The following VPS35L variants were observed in gnomAD, a reference collection of about 807,000 sequenced individuals.
VPS35L encodes VPS35 endosomal protein-sorting factor-like.
Under a neutral mutation model 133.0 loss-of-function variants are expected in VPS35L, and 83 were observed. The ratio of observed to expected loss-of-function variants is 0.62; its 90% CI spans 0.52 to 0.75. VPS35L has a LOEUF of 0.75. VPS35L is among the 30% of genes least tolerant of loss of function. VPS35L has a pLI of 0.00. For synonymous variants in VPS35L, 423 were observed against 449.9 expected (o/e 0.94, Z 0.76); for missense variants, 1,083 against 1,206.8 (o/e 0.90, Z 1.52).
At chr16:19,583,715 G>T (rs1368559000) in intron 7 of VPS35L, among the ~76,000 whole-genome samples, 1 of 148,228 alleles carries the variant, frequency 6.7e-6, no homozygotes, top group East Asian at 2.0e-4. Context: ...GAGTGAGATT[G>T]TCTCAAAAAA....
intron 11 of VPS35L, among the ~76,000 whole-genome samples, chr16:19,609,426 G>A (rs1972638488): frequency 6.6e-6 from 1 of 152,150 alleles, no homozygotes; most frequent in African/African-American, 2.4e-5. Flanking sequence ...AACAATGAGA[G>A]TCACCCCTGG....
At chr16:19,628,035 A>G (rs1311662182) in intron 16 of VPS35L, among the ~76,000 whole-genome samples, 3 of 152,140 alleles carry the variant, frequency 2.0e-5, no homozygotes, top group Admixed American at 6.6e-5. Context: ...TTGGCTCACT[A>G]TGAAGGATTT....
At chr16:19,683,207 G>A (rs1418304473) in intron 28 of VPS35L, among the ~76,000 whole-genome samples, 1 of 152,114 alleles carries the variant, frequency 6.6e-6, no homozygotes, top group Non-Finnish European at 1.5e-5. Flanking sequence ...ATAACCATGA[G>A]CCACCACACC....
chr16:19,616,966 G>C (rs1414036169), intron 14 of VPS35L, 158 bp downstream of exon 14: 1 of 1,054,904 alleles, frequency 9.5e-7, no homozygotes. Context: ...GGCTGGCTCT[G>C]TGCTGAGTGC....
intron 3 of VPS35L, among the ~76,000 whole-genome samples, chr16:19,570,876 TATATATA>T (rs1971355422): frequency 2.6e-5 from 2 of 77,552 alleles, no homozygotes; most frequent in African/African-American, 1.5e-4. Context: ...TATATATATA[TATATATA>T]TATATATTTT....
intron 3 of VPS35L, among the ~76,000 whole-genome samples, chr16:19,570,705 T>A (rs1226180419): frequency 6.6e-6 from 1 of 151,330 alleles, no homozygotes; most frequent in African/African-American, 2.4e-5. Context: ...TTGTGAGAGG[T>A]ATTGGAATCC....
At chr16:19,628,401 A>T (rs1195600468) in intron 16 of VPS35L, among the ~76,000 whole-genome samples, 1 of 152,168 alleles carries the variant, frequency 6.6e-6, no homozygotes, top group African/African-American at 2.4e-5. Flanking sequence ...TTTATGAAAA[A>T]CTTTGTCCAG....
At chr16:19,644,309 T>C (rs1430882982) in intron 22 of VPS35L, among the ~76,000 whole-genome samples, 1 of 152,220 alleles carries the variant, frequency 6.6e-6, no homozygotes, top group African/African-American at 2.4e-5. Context: ...TGGATAATTA[T>C]GTGTAAAACA....
intron 12 of VPS35L, among the ~76,000 whole-genome samples, chr16:19,614,654 GC>G (rs1379675918): frequency 6.6e-6 from 1 of 152,170 alleles, no homozygotes; most frequent in Non-Finnish European, 1.5e-5. Context: ...CAAGTGATTG[GC>G]CCACCTGGGC....
intron 26 of VPS35L, among the ~76,000 whole-genome samples, chr16:19,657,927 A>G (rs1310182815): frequency 6.6e-6 from 1 of 152,190 alleles, no homozygotes; most frequent in South Asian, 2.1e-4. Context: ...GAATGCAGAC[A>G]AAGTAGGTTA....
chr16:19,655,827 C>T (rs528353893), intron 26 of VPS35L, among the ~76,000 whole-genome samples: 2 of 152,264 alleles, frequency 1.3e-5, no homozygotes, highest in African/African-American at 2.4e-5. Flanking sequence ...TCTTTCAGTC[C>T]CTTCTCTAGG....
At chr16:19,575,174 G>A (rs773799991) in intron 5 of VPS35L, 52 bp downstream of exon 5, 3 of 1,553,076 alleles carry the variant, frequency 1.9e-6, no homozygotes, top group Non-Finnish European at 1.8e-6. Context: ...ATTACTTTTA[G>A]TATAATTTTA....
intron 27 of VPS35L, among the ~76,000 whole-genome samples, chr16:19,678,443 C>T (rs1236379303): frequency 6.6e-6 from 1 of 151,686 alleles, no homozygotes; most frequent in Non-Finnish European, 1.5e-5. Flanking sequence ...AAATCTTTGT[C>T]TGCCTTACTT....
intron 26 of VPS35L, among the ~76,000 whole-genome samples, chr16:19,660,511 A>G (rs1974449276): frequency 6.6e-6 from 1 of 152,124 alleles, no homozygotes; most frequent in African/African-American, 2.4e-5. Flanking sequence ...TCAGGAGTTT[A>G]TGACTGACGA....
intron 26 of VPS35L, among the ~76,000 whole-genome samples, chr16:19,659,526 A>G (rs1043648154): frequency 2.0e-5 from 3 of 152,276 alleles, no homozygotes; most frequent in African/African-American, 7.2e-5. Context: ...GCAATTAAGC[A>G]TTAATGTATA....
intron 27 of VPS35L, among the ~76,000 whole-genome samples, chr16:19,680,922 C>T (rs190952916): frequency 7.0e-6 from 1 of 142,322 alleles, no homozygotes; most frequent in Non-Finnish European, 1.5e-5. Context: ...CCGCCCCCCC[C>T]CTAAAAAAAC....
chr16:19,623,033 A>G (rs1304298830), intron 14 of VPS35L, among the ~76,000 whole-genome samples: 2 of 152,160 alleles, frequency 1.3e-5, no homozygotes, highest in Non-Finnish European at 2.9e-5. Flanking sequence ...AGCCGACAGC[A>G]TCCAGGGAAT....
rs561421923 is a variant in VPS35L at position 19,564,418 on chromosome 16, C to T, written c.18-433C>T. 2.2e-3 allele frequency among the ~76,000 whole-genome samples: 333 copies of T among 150,166 alleles called. 1 individual carries two copies. Among genetic ancestry groups the T allele is most frequent in the African/African-American group, 7.3e-3 (296 of 40,804 alleles). On this transcript the variant is annotated intron_variant, in intron 1 of 30. Transcript: ENST00000417362. ...AATGTTGTGTTTTGTTTTTTGTTTG[C>T]CATGGAGTCTCGCTCTGTGGCCCAG...
At position 19,678,216 on chromosome 16, in the gene VPS35L, A is replaced by G. The variant is rs146853948; in HGVS notation, c.2362-4009A>G. On this transcript the variant is annotated intron_variant, in intron 27 of 30. Coordinates refer to ENST00000417362, the MANE Select transcript of VPS35L (RefSeq NM_020314.7). ...AGGGGTTTAGTAGAAGGATTCCTGCAGACCAGAAACCCAGAGGGATATTGC... is the reference window on the plus strand; with the variant it reads ...AGGGGTTTAGTAGAAGGATTCCTGCGGACCAGAAACCCAGAGGGATATTGC... Among the ~76,000 whole-genome samples, 503 of 152,336 alleles carry G rather than the reference A, an allele frequency of 3.3e-3. 4 individuals are homozygous for G. The highest frequency in any genetic ancestry group is 0.012 in the African/African-American group (490 of 41,576).
Sources: gnomAD v4.1 joint callset for allele counts (sites outside exome capture counted in the v4.1 genomes callset) on GRCh38, gnomAD v4.1.1 for gene constraint, MANE v1.5 for transcripts, NCBI Gene and HGNC (gene_info 2026-07-23, HGNC 2026-07-21) for gene names.